Variants in KCTD16 observed in about 807,000 individuals in gnomAD.
KCTD16 encodes the protein potassium channel tetramerization domain containing 16.
A neutral mutation model predicts 33.2 loss-of-function variants in KCTD16; 13 were observed. The observed-to-expected ratio is 0.39, with a 90% CI of 0.25 to 0.62. The LOEUF (loss-of-function observed/expected upper bound fraction) is 0.62, where lower values mean the gene tolerates loss of function less well. KCTD16 is among the 20% of genes least tolerant of loss of function. The pLI, the probability that KCTD16 is intolerant of heterozygous loss-of-function variation, is 0.50. For synonymous variants in KCTD16, 197 were observed against 195.3 expected (o/e 1.01, Z -0.07); for missense variants, 441 against 525.1 (o/e 0.84, Z 1.57).
chr5:144,217,283 G>A (rs1561532703), intron 3 of KCTD16, among the ~76,000 whole-genome samples: 3 of 152,170 alleles, frequency 2.0e-5, no homozygotes, highest in African/African-American at 2.4e-5. Context: ...TAATTCAAAT[G>A]GAAGGTAGAA....
chr5:144,253,570 T>G (rs1304921483), intron 3 of KCTD16, among the ~76,000 whole-genome samples: 1 of 152,198 alleles, frequency 6.6e-6, no homozygotes, highest in African/African-American at 2.4e-5. Context: ...GGATCCCTCT[T>G]TTTTGGGGGT....
At chr5:144,340,329 G>A (rs1182649985) in intron 3 of KCTD16, among the ~76,000 whole-genome samples, 1 of 150,918 alleles carries the variant, frequency 6.6e-6, no homozygotes, top group East Asian at 2.0e-4. Context: ...GTGAACCCGG[G>A]AGGCGTAGCT....
rs1359553783 is a variant in KCTD16 at position 144,476,495 on chromosome 5, C to T, written c.*2381C>T. 6.6e-6 allele frequency: 1 copy of T among 152,166 alleles called. No individual in the cohort carries two copies. Among genetic ancestry groups the T allele is most frequent in the East Asian group, 1.9e-4 (1 of 5,190 alleles). The allele number at this position is 152,166 out of a possible 1,614,324, so 9.4% of individuals were successfully genotyped here. A position where few individuals can be genotyped will look rare whatever the true frequency, so the allele number is the denominator to read the frequency against. On this transcript the variant is annotated 3_prime_UTR_variant, in exon 4 of 4. Transcript: ENST00000512467. ...CATGAGTTTTCTCTGCTCTGACATT[C>T]CTTATACATCCAGTGAACAAAGCTG... is the stretch of plus-strand genomic sequence containing the variant.
At chr5:144,249,678 G>A (rs1754643257) in intron 3 of KCTD16, among the ~76,000 whole-genome samples, 1 of 152,166 alleles carries the variant, frequency 6.6e-6, no homozygotes, top group African/African-American at 2.4e-5. Flanking sequence ...CTTACAAATT[G>A]CAAAGTATTT....
chr5:144,241,057 T>G (rs998188907), intron 3 of KCTD16, among the ~76,000 whole-genome samples: 2 of 152,112 alleles, frequency 1.3e-5, no homozygotes, highest in African/African-American at 2.4e-5. Context: ...TGGAAGCTAC[T>G]ACAATGTAGA....
chr5:144,431,428 C>G (rs1335349457), intron 3 of KCTD16, among the ~76,000 whole-genome samples: 1 of 152,140 alleles, frequency 6.6e-6, no homozygotes, highest in East Asian at 1.9e-4. Context: ...TAGTGCTTTT[C>G]ATATTCTAGT....
intron 3 of KCTD16, among the ~76,000 whole-genome samples, chr5:144,391,407 A>T (rs1456643586): frequency 6.6e-6 from 1 of 152,218 alleles, no homozygotes; most frequent in Non-Finnish European, 1.5e-5. Context: ...AGTGAGACTG[A>T]AGGTCATCCT....
intron 3 of KCTD16, among the ~76,000 whole-genome samples, chr5:144,239,363 A>T (rs1431739312): frequency 6.6e-6 from 1 of 152,136 alleles, no homozygotes; most frequent in Non-Finnish European, 1.5e-5. Flanking sequence ...GTGTCTATTG[A>T]AATCCCTGAA....
chr5:144,209,234 C>T (rs1386226057), intron 3 of KCTD16, among the ~76,000 whole-genome samples: 1 of 152,202 alleles, frequency 6.6e-6, no homozygotes, highest in African/African-American at 2.4e-5. Context: ...TAGTCACTTG[C>T]TTACATAAAT....
rs533866618 is a variant in KCTD16 at position 144,399,640 on chromosome 5, A to G, written c.833-74020A>G. Reference sequence around the variant, plus strand: ...CTAGTCTAGTCCATGAAATACATTCATTGTAATCTTCACTAGTCTCATTGA... The same window carrying G: ...CTAGTCTAGTCCATGAAATACATTCGTTGTAATCTTCACTAGTCTCATTGA... On this transcript the variant is annotated intron_variant, in intron 3 of 3. Coordinates refer to ENST00000512467, the MANE Select transcript of KCTD16 (RefSeq NM_020768.4). 2.0e-5 allele frequency among the ~76,000 whole-genome samples: 3 copies of G among 152,228 alleles called. No homozygotes were observed. The East Asian group carries it at 5.8e-4, about 29-fold the overall frequency.
chr5:144,394,744 T>G (rs1006754742), intron 3 of KCTD16, among the ~76,000 whole-genome samples: 3 of 152,210 alleles, frequency 2.0e-5, no homozygotes, highest in African/African-American at 7.2e-5. Flanking sequence ...TTCTCTCTCC[T>G]GCCACCATGT....
chr5:144,398,706 A>ACTCTCTCTCT (rs202105888), intron 3 of KCTD16, among the ~76,000 whole-genome samples: 135 of 146,572 alleles, frequency 9.2e-4, no homozygotes, highest in African/African-American at 3.5e-3. Context: ...ACACACACAC[A>ACTCTCTCTCT]CACTCTCTCT....
intron 3 of KCTD16, among the ~76,000 whole-genome samples, chr5:144,403,864 A>G (rs751784060): frequency 6.6e-5 from 10 of 152,276 alleles, no homozygotes; most frequent in Admixed American, 2.0e-4. Flanking sequence ...TGGAAGTAAC[A>G]GTGAGGCTTT....
At chr5:144,455,406 A>G (rs1359989257) in intron 3 of KCTD16, among the ~76,000 whole-genome samples, 1 of 152,160 alleles carries the variant, frequency 6.6e-6, no homozygotes, top group Non-Finnish European at 1.5e-5. Context: ...TTTTTACTAG[A>G]TAACAAAGCA....
Position 144,462,690 on chromosome 5 carries a change from A to C in KCTD16, c.833-10970A>C, listed in dbSNP as rs190666392. Among the ~76,000 whole-genome samples the C allele has an allele frequency of 1.3e-4, 20 of 152,272 alleles. No homozygotes were observed. The East Asian group carries it at 3.5e-3, about 26-fold the overall frequency. On this transcript the variant is annotated intron_variant, in intron 3 of 3. Coordinates refer to ENST00000512467, the MANE Select transcript of KCTD16 (RefSeq NM_020768.4). ...GAAGAATATATTAAAAAAACAAAAA[A>C]CAGACACATCTCTGTCTGGCTTCCA...
intron 3 of KCTD16, among the ~76,000 whole-genome samples, chr5:144,323,837 C>A (rs1198079317): frequency 6.6e-6 from 1 of 152,056 alleles, no homozygotes; most frequent in Non-Finnish European, 1.5e-5. Flanking sequence ...CTATTAAAAC[C>A]TTAGCTCTAC....
At chr5:144,200,048 C>T (rs1050447217) in intron 2 of KCTD16, among the ~76,000 whole-genome samples, 2 of 152,040 alleles carry the variant, frequency 1.3e-5, no homozygotes, top group South Asian at 2.1e-4. Context: ...TGTATACTTG[C>T]GTACACACTC....
At chr5:144,281,352 A>G (rs1300909004) in intron 3 of KCTD16, among the ~76,000 whole-genome samples, 1 of 152,172 alleles carries the variant, frequency 6.6e-6, no homozygotes, top group Non-Finnish European at 1.5e-5. Context: ...TCTTTGAAGC[A>G]CTGCTTTAGA....
At chr5:144,462,559 T>C (rs908382280) in intron 3 of KCTD16, among the ~76,000 whole-genome samples, 4 of 134,238 alleles carry the variant, frequency 3.0e-5, no homozygotes, top group Non-Finnish European at 6.4e-5. Context: ...TAATTCTCTT[T>C]TGGTTTCTTA....
Sources: allele counts gnomAD v4.1 joint callset (sites outside exome capture counted in the v4.1 genomes callset), GRCh38; gene constraint gnomAD v4.1.1; transcripts MANE v1.5; gene names NCBI Gene and HGNC (gene_info 2026-07-23, HGNC 2026-07-21).